RAB5B: variants seen among roughly 807,000 people sequenced by gnomAD.
RAB5B encodes RAB5B, member RAS oncogene family, also known as ras-related protein Rab-5B.
RAB5B carries 11 observed loss-of-function variants against 28.6 expected under a neutral mutation model. The observed-to-expected ratio is 0.38, with a 90% confidence interval of 0.24 to 0.64. The LOEUF (loss-of-function observed/expected upper bound fraction) is 0.64, where lower values mean the gene tolerates loss of function less well. Ranked by LOEUF, RAB5B falls within the 30% of genes least tolerant of loss-of-function variation. The pLI is 0.53. For missense variants in RAB5B, 169 were observed against 265.6 expected (o/e 0.64, Z 2.53); for synonymous variants, 93 against 97.9 (o/e 0.95, Z 0.29).
intron 1 of RAB5B, among the ~76,000 whole-genome samples, chr12:55,974,379 C>T (rs554882378): frequency 2.0e-5 from 3 of 152,192 alleles, no homozygotes; most frequent in South Asian, 4.1e-4. Flanking sequence ...GGCGGCCAGG[C>T]CGAGGGCCGG....
rs1890319960 is a variant in RAB5B at position 55,996,676 on chromosome 12, G to A, written c.*4464G>A. 6.6e-6 allele frequency: 1 copy of A among 152,132 alleles called. No homozygotes were observed. Among genetic ancestry groups the A allele is most frequent in the Non-Finnish European group, 1.5e-5 (1 of 68,016 alleles). The allele number at this position is 152,132 out of a possible 1,614,324, so 9.4% of individuals were successfully genotyped here. A position where few individuals can be genotyped will look rare whatever the true frequency, so the allele number is the denominator to read the frequency against. On this transcript the variant is annotated 3_prime_UTR_variant, in exon 6 of 6. Coordinates refer to ENST00000360299, the MANE Select transcript of RAB5B (RefSeq NM_002868.4). ...TTTTTTCTACGCAAAATAAAAGACGGCTATTCAGTGTTGTTGTTTCATTTT... is the reference window on the plus strand; with the variant it reads ...TTTTTTCTACGCAAAATAAAAGACGACTATTCAGTGTTGTTGTTTCATTTT...
At chr12:55,979,505 AC>A (rs1258523228) in intron 1 of RAB5B, 1 of 152,172 alleles carries the variant, frequency 6.6e-6, no homozygotes, top group African/African-American at 2.4e-5. Flanking sequence ...TATCTTCCCT[AC>A]TTAGTAAAAC....
intron 1 of RAB5B, among the ~76,000 whole-genome samples, chr12:55,976,001 C>T (rs916293328): frequency 3.3e-5 from 5 of 152,074 alleles, no homozygotes; most frequent in Non-Finnish European, 5.9e-5. Flanking sequence ...CCGCCCACCT[C>T]GGCCTCCCAA....
At chr12:55,986,000 A>G (rs752207499) in intron 1 of RAB5B, among the ~76,000 whole-genome samples, 1 of 152,186 alleles carries the variant, frequency 6.6e-6, no homozygotes, top group African/African-American at 2.4e-5. Flanking sequence ...TTTTGTGGCA[A>G]TGGGACCCTG....
intron 1 of RAB5B, among the ~76,000 whole-genome samples, chr12:55,986,301 G>A (rs1411065601): frequency 6.6e-6 from 1 of 152,116 alleles, no homozygotes; most frequent in African/African-American, 2.4e-5. Flanking sequence ...TACAAAATTA[G>A]CCAGGCGTGG....
intron 2 of RAB5B, among the ~76,000 whole-genome samples, chr12:55,987,877 G>A (rs1167460432): frequency 6.6e-6 from 1 of 151,558 alleles, no homozygotes; most frequent in Admixed American, 6.6e-5. Flanking sequence ...GCTGGGCATG[G>A]TGGGTCACAC....
chr12:55,988,339 A>T (rs1176448710), intron 2 of RAB5B, among the ~76,000 whole-genome samples: 1 of 151,132 alleles, frequency 6.6e-6, no homozygotes, highest in African/African-American at 2.4e-5. Context: ...CAAAAACAAA[A>T]AAAAATCTGG....
chr12:55,980,806 G>T, intron 1 of RAB5B: 1 of 1,580,544 alleles, frequency 6.3e-7, no homozygotes, highest in Non-Finnish European at 8.7e-7. Context: ...CACGGTAGTA[G>T]GCAGTAGTTA....
intron 1 of RAB5B, among the ~76,000 whole-genome samples, chr12:55,978,473 C>T (rs912190139): frequency 5.9e-5 from 9 of 151,492 alleles, no homozygotes; most frequent in African/African-American, 1.9e-4. Context: ...CACTGCACTC[C>T]AGCCTGGGCG....
chr12:55,977,967 C>T (rs184252194), intron 1 of RAB5B, among the ~76,000 whole-genome samples: 1 of 152,302 alleles, frequency 6.6e-6, no homozygotes, highest in East Asian at 1.9e-4. Context: ...GACCGTTCAA[C>T]ATCAACTGAA....
intron 2 of RAB5B, 54 bp downstream of exon 2, chr12:55,987,177 T>G: frequency 2.6e-6 from 4 of 1,511,450 alleles, no homozygotes; most frequent in Non-Finnish European, 2.7e-6. Flanking sequence ...TTTTTTTTTT[T>G]TTAGATGGAG....
At chr12:55,982,505 G>A (rs1889837579) in intron 1 of RAB5B, among the ~76,000 whole-genome samples, 1 of 152,060 alleles carries the variant, frequency 6.6e-6, no homozygotes, top group Non-Finnish European at 1.5e-5. Context: ...TGTTGCCCAG[G>A]CTGGTCTCAA....
Position 55,976,902 on chromosome 12 carries a change from T to C in RAB5B, c.-93+2763T>C, listed in dbSNP as rs1310386422. ...GTACCCAGCCTTTGTACAGCGCCCA[T>C]TGGAAACCTCGGTTTTTTCCCCCAA... On this transcript the variant is annotated intron_variant, in intron 1 of 5. Coordinates refer to ENST00000360299, the MANE Select transcript of RAB5B (RefSeq NM_002868.4). Among the ~76,000 whole-genome samples, 4 of 152,302 alleles carry C rather than the reference T, an allele frequency of 2.6e-5. No homozygotes were observed. The East Asian group carries it at 5.8e-4, about 22-fold the overall frequency.
intron 1 of RAB5B, among the ~76,000 whole-genome samples, chr12:55,974,715 TGAA>T (rs1485648564): frequency 1.3e-5 from 2 of 151,974 alleles, no homozygotes; most frequent in Non-Finnish European, 1.5e-5. Flanking sequence ...CTGGGGAAAA[TGAA>T]GAAGGCTGTA....
At chr12:55,988,608 A>G (rs1890021565) in intron 2 of RAB5B, among the ~76,000 whole-genome samples, 1 of 151,664 alleles carries the variant, frequency 6.6e-6, no homozygotes, top group Non-Finnish European at 1.5e-5. Context: ...GGTTCAAGTG[A>G]TTCTCGTGCC....
intron 1 of RAB5B, among the ~76,000 whole-genome samples, chr12:55,984,568 C>T (rs979612246): frequency 6.6e-5 from 10 of 152,158 alleles, no homozygotes; most frequent in African/African-American, 2.4e-4. Context: ...CCTCTACCTT[C>T]TGGGTTTAAG....
In RAB5B at chr12:55,991,334, G is replaced by A. The variant is rs756236727; in HGVS notation, c.439-26G>A. 5.8e-6 allele frequency: 9 copies of A among 1,559,856 alleles called. No homozygotes were observed. In the Admixed American group the frequency reaches 1.2e-4, roughly 20 times the overall value. On this transcript the variant is annotated intron_variant, in intron 4 of 5. Coordinates refer to ENST00000360299, the MANE Select transcript of RAB5B (RefSeq NM_002868.4). ...TACTCGTTCCCACCCTACATTCTGA[G>A]CACTAATACATCCCACTCCTTGCAG... is the stretch of plus-strand genomic sequence containing the variant.
chr12:55,991,557 CT>C, intron 5 of RAB5B, 104 bp downstream of exon 5: 1 of 895,620 alleles, frequency 1.1e-6, no homozygotes, highest in Non-Finnish European at 1.8e-6. Context: ...TTTGCAAAAA[CT>C]TTAGGTATGG....
At chr12:55,977,903 T>C (rs1889690064) in intron 1 of RAB5B, among the ~76,000 whole-genome samples, 1 of 152,206 alleles carries the variant, frequency 6.6e-6, no homozygotes, top group Non-Finnish European at 1.5e-5. Flanking sequence ...GGCTCCTTTT[T>C]TTAAACTTGT....
Sources: allele counts gnomAD v4.1 joint callset (sites outside exome capture counted in the v4.1 genomes callset), GRCh38; gene constraint gnomAD v4.1.1; transcripts MANE v1.5; gene names NCBI Gene and HGNC (gene_info 2026-07-23, HGNC 2026-07-21).